The following INTU variants were observed in gnomAD, a reference collection of about 807,000 sequenced individuals.
INTU encodes protein inturned.
INTU carries 68 observed loss-of-function variants against 100.5 expected under a neutral mutation model. The ratio of observed to expected loss-of-function variants is 0.68; its 90% CI spans 0.56 to 0.83. The LOEUF (loss-of-function observed/expected upper bound fraction) is 0.83. Ranked by LOEUF, INTU falls within the 40% of genes least tolerant of loss-of-function variation. The pLI, the probability that INTU is intolerant of heterozygous loss-of-function variation, is 0.00. For synonymous variants in INTU, 357 were observed against 395.7 expected (o/e 0.90, Z 1.16); for missense variants, 1,071 against 1,114.7 (o/e 0.96, Z 0.56).
intron 13 of INTU, among the ~76,000 whole-genome samples, chr4:127,709,195 G>A (rs1731001719): frequency 6.6e-6 from 1 of 152,176 alleles, no homozygotes; most frequent in South Asian, 2.1e-4. Context: ...GAGTACAAAG[G>A]CTTGGCCCCT....
At chr4:127,634,173 C>A (rs142254344) in intron 1 of INTU, among the ~76,000 whole-genome samples, 1 of 152,150 alleles carries the variant, frequency 6.6e-6, no homozygotes, top group Non-Finnish European at 1.5e-5. Context: ...CTGTTTAATA[C>A]ATTCTTGAAG....
chr4:127,684,925 T>TA (rs1729748511), intron 7 of INTU, among the ~76,000 whole-genome samples: 1 of 152,084 alleles, frequency 6.6e-6, no homozygotes. Context: ...TCATAACAGA[T>TA]ACAGAAAAGA....
chr4:127,692,749 G>A (rs1472471963), intron 8 of INTU, among the ~76,000 whole-genome samples: 2 of 152,112 alleles, frequency 1.3e-5, no homozygotes, highest in Non-Finnish European at 2.9e-5. Context: ...TCCATCTTGA[G>A]TTGATTTTTG....
chr4:127,657,803 A>G (rs1387402813), intron 3 of INTU, among the ~76,000 whole-genome samples: 1 of 151,980 alleles, frequency 6.6e-6, no homozygotes, highest in Non-Finnish European at 1.5e-5. Flanking sequence ...CTGATTCTAC[A>G]TTATGGTGAG....
intron 2 of INTU, among the ~76,000 whole-genome samples, chr4:127,646,650 A>G (rs1008486884): frequency 3.9e-5 from 6 of 152,160 alleles, no homozygotes; most frequent in African/African-American, 2.4e-5. Flanking sequence ...TAACCTTGAC[A>G]TATGGTTTAG....
intron 8 of INTU, among the ~76,000 whole-genome samples, chr4:127,694,129 A>G (rs866547242): frequency 6.6e-6 from 1 of 152,062 alleles, no homozygotes; most frequent in Non-Finnish European, 1.5e-5. Flanking sequence ...CTTTCAGAAT[A>G]GTGTCAATAG....
intron 6 of INTU, among the ~76,000 whole-genome samples, chr4:127,679,780 A>C (rs1380857209): frequency 2.0e-5 from 3 of 151,892 alleles, no homozygotes; most frequent in African/African-American, 7.2e-5. Context: ...AAATAGAGAC[A>C]CAAAAAACCC....
At chr4:127,661,446 G>A (rs756252364) in intron 3 of INTU, among the ~76,000 whole-genome samples, 8 of 151,986 alleles carry the variant, frequency 5.3e-5, no homozygotes, top group Middle Eastern at 3.2e-3. Context: ...TCTGAGATGC[G>A]TTTCTTTCTC....
intron 6 of INTU, among the ~76,000 whole-genome samples, chr4:127,678,118 C>T (rs1278823536): frequency 1.3e-5 from 2 of 152,152 alleles, no homozygotes; most frequent in Admixed American, 6.5e-5. Context: ...ACCAAATCTA[C>T]GTCTGATTGG....
chr4:127,655,525 T>A (rs972955528), intron 2 of INTU, among the ~76,000 whole-genome samples: 6 of 151,616 alleles, frequency 4.0e-5, no homozygotes, highest in Non-Finnish European at 7.4e-5. Flanking sequence ...GCCTCCCAGT[T>A]AGGCTGCTCG....
rs1400627159 is a variant in INTU at position 127,633,160 on chromosome 4, C to T, written c.126C>T (p.Ser42=). The stretch of plus-strand genomic sequence containing the variant: ...GGGTCAGCGACTCGGGTTCATATTC[C>T]TCAGCGAGTAGCGATTATGAGTAAG... ...EDRVSDSGSY[S]SASSDYDDLE... The change falls in exon 1 of 16, where the codon TCC becomes TCT. Residue 42 remains serine (S), a synonymous_variant. Transcript: ENST00000335251. The T allele has an allele frequency of 2.5e-6, 4 of 1,613,594 alleles. No homozygotes were observed. In the African/African-American group the frequency reaches 4.0e-5, roughly 16 times the overall value.
intron 6 of INTU, among the ~76,000 whole-genome samples, chr4:127,681,748 CA>C (rs1729565812): frequency 6.6e-6 from 1 of 152,090 alleles, no homozygotes; most frequent in Admixed American, 6.5e-5. Flanking sequence ...ACAAAATTGA[CA>C]AATGGGATCT....
intron 3 of INTU, among the ~76,000 whole-genome samples, chr4:127,661,388 T>TATCTTTTG (rs112485979): frequency 0.019 from 2,909 of 152,262 alleles, 88 homozygotes; most frequent in African/African-American, 0.066. Flanking sequence ...GGTTGCACCC[T>TATCTTTTG]ACCTCTCCAC....
At chr4:127,704,130 C>T in intron 9 of INTU, 98 bp from the exon 10 acceptor site, 1 of 967,356 alleles carries the variant, frequency 1.0e-6, no homozygotes, top group African/African-American at 1.7e-5. Flanking sequence ...AGTTTAGTTA[C>T]TAAAGAATAT....
chr4:127,707,099 C>A, intron 12 of INTU, 130 bp downstream of exon 12: 2 of 1,075,262 alleles, frequency 1.9e-6, no homozygotes, highest in Non-Finnish European at 2.7e-6. Flanking sequence ...TCAGTCACTG[C>A]TGGCAAACCA....
chr4:127,703,919 T>C (rs970632462), intron 9 of INTU, among the ~76,000 whole-genome samples: 4 of 152,148 alleles, frequency 2.6e-5, no homozygotes, highest in African/African-American at 9.6e-5. Flanking sequence ...CTGTAGATGA[T>C]GTAGAGTAAA....
chr4:127,666,471 C>G (rs1728702918), intron 4 of INTU, among the ~76,000 whole-genome samples: 2 of 152,176 alleles, frequency 1.3e-5, no homozygotes, highest in Admixed American at 1.3e-4. Flanking sequence ...TTCAGCCTTA[C>G]TTGAGGGTAT....
intron 8 of INTU, among the ~76,000 whole-genome samples, chr4:127,692,542 T>C (rs758522432): frequency 9.2e-5 from 14 of 152,144 alleles, no homozygotes; most frequent in Non-Finnish European, 1.5e-4. Context: ...CTGTGGGGTG[T>C]TAACTCTGAT....
chr4:127,637,082 T>C (rs1727105652), intron 1 of INTU, among the ~76,000 whole-genome samples: 1 of 152,212 alleles, frequency 6.6e-6, no homozygotes, highest in African/African-American at 2.4e-5. Flanking sequence ...TCAGATCTGA[T>C]GTCTCCAGTA....
Sources: gnomAD v4.1 joint callset for allele counts (sites outside exome capture counted in the v4.1 genomes callset) on GRCh38, gnomAD v4.1.1 for gene constraint, MANE v1.5 for transcripts, NCBI Gene and HGNC (gene_info 2026-07-23, HGNC 2026-07-21) for gene names.